SPATA17: variants seen among roughly 807,000 people sequenced by gnomAD.
SPATA17 encodes the protein spermatogenesis associated 17.
In SPATA17, 53 loss-of-function variants were observed where a neutral mutation model predicts 62.2. The observed-to-expected ratio is 0.85, with a 90% CI of 0.68 to 1.07. SPATA17 has a LOEUF of 1.07. Ranked by LOEUF, SPATA17 falls within the 50% of genes least tolerant of loss-of-function variation. SPATA17 has a pLI of 0.00. For missense variants in SPATA17, 466 were observed against 425.5 expected, an observed-to-expected ratio of 1.10 and a Z score of -0.84; for synonymous variants, 146 against 146.8, an observed-to-expected ratio of 0.99 and a Z score of 0.04.
chr1:217,851,366 G>A (rs1675661939), intron 9 of SPATA17, among the ~76,000 whole-genome samples: 1 of 151,886 alleles, frequency 6.6e-6, no homozygotes, highest in Non-Finnish European at 1.5e-5. Flanking sequence ...AGGTTCACAT[G>A]TTCCCAGATG....
rs766334713 is a variant in SPATA17, at chr1:217,631,387, G to C, written c.9G>C (p.Thr3=). The C allele has an allele frequency of 6.2e-7, 1 of 1,614,138 alleles. No homozygotes were observed. Among genetic ancestry groups the C allele is most frequent in the South Asian group, 1.1e-5 (1 of 91,086 alleles). Residue 3 remains threonine (T), a synonymous_variant, in exon 1 of 11, where the codon ACG becomes ACC. Transcript: ENST00000366933. MA[T]LARLQARSST... is the part of the protein sequence containing the mutation. ...CCCAAGGCCAAGAGACCATGGCCACGTTAGCCCGGCTGCAAGCTAGGTCGT... is the reference window on the plus strand; with the variant it reads ...CCCAAGGCCAAGAGACCATGGCCACCTTAGCCCGGCTGCAAGCTAGGTCGT...
intron 9 of SPATA17, among the ~76,000 whole-genome samples, chr1:217,811,797 G>A (rs575326114): frequency 1.2e-4 from 19 of 152,048 alleles, no homozygotes; most frequent in South Asian, 8.3e-4. Context: ...AGAATTATTA[G>A]AAATACTTTA....
At chr1:217,737,309 A>G (rs1672531988) in intron 5 of SPATA17, among the ~76,000 whole-genome samples, 1 of 152,192 alleles carries the variant, frequency 6.6e-6, no homozygotes, top group African/African-American at 2.4e-5. Flanking sequence ...CAGAACATAA[A>G]TAGAGGATTA....
chr1:217,675,489 G>A (rs867485114), intron 4 of SPATA17, among the ~76,000 whole-genome samples: 20 of 152,130 alleles, frequency 1.3e-4, no homozygotes, highest in Admixed American at 9.2e-4. Flanking sequence ...AGTATCCTAC[G>A]AAGAGTTCAA....
chr1:217,661,285 GA>G, intron 3 of SPATA17, among the ~76,000 whole-genome samples: 1 of 151,882 alleles, frequency 6.6e-6, no homozygotes, highest in Non-Finnish European at 1.5e-5. Context: ...TATATCACAG[GA>G]ATTAGAGGAG....
chr1:217,665,709 C>T (rs920578502), intron 3 of SPATA17, among the ~76,000 whole-genome samples: 6 of 152,102 alleles, frequency 3.9e-5, no homozygotes, highest in Admixed American at 2.0e-4. Context: ...TCAGAAAGGA[C>T]GTCAGTTATA....
At chr1:217,848,153 G>A (rs1352123262) in intron 9 of SPATA17, among the ~76,000 whole-genome samples, 12 of 152,076 alleles carry the variant, frequency 7.9e-5, no homozygotes, top group Non-Finnish European at 5.9e-5. Flanking sequence ...TTACTTTATT[G>A]ATATAAAAGT....
intron 1 of SPATA17, among the ~76,000 whole-genome samples, chr1:217,640,587 G>T (rs1180906716): frequency 2.0e-5 from 3 of 152,012 alleles, no homozygotes; most frequent in Non-Finnish European, 4.4e-5. Flanking sequence ...TTATATACAG[G>T]ATTATGTACA....
chr1:217,773,114 G>A (rs7412987), intron 6 of SPATA17, among the ~76,000 whole-genome samples: 66,284 of 151,958 alleles, frequency 0.44, 15,840 homozygotes, highest in Non-Finnish European at 0.55. Flanking sequence ...GCCTGGGTAG[G>A]TATTTGATAG....
chr1:217,798,971 T>C (rs78927458), intron 8 of SPATA17, among the ~76,000 whole-genome samples: 18,001 of 151,446 alleles, frequency 0.12, 1,181 homozygotes, highest in Non-Finnish European at 0.14. Context: ...TGAATATATA[T>C]TAAAAACTGG....
At chr1:217,696,308 C>A in intron 5 of SPATA17, among the ~76,000 whole-genome samples, 1 of 152,206 alleles carries the variant, frequency 6.6e-6, no homozygotes, top group East Asian at 1.9e-4. Flanking sequence ...CTCCCTGACC[C>A]CTTGAGCTTC....
intron 9 of SPATA17, chr1:217,850,519 C>T (rs576186573): frequency 1.1e-4 from 179 of 1,567,560 alleles, no homozygotes; most frequent in South Asian, 4.8e-4. Context: ...CTCTGCTGGT[C>T]GGGGAGGATG....
chr1:217,844,534 C>T (rs990142739), intron 9 of SPATA17, among the ~76,000 whole-genome samples: 7 of 152,124 alleles, frequency 4.6e-5, no homozygotes, highest in South Asian at 2.1e-4. Context: ...TTGAGAACTA[C>T]GGATGGACTG....
At chr1:217,814,683 G>A (rs113799783) in intron 9 of SPATA17, among the ~76,000 whole-genome samples, 13 of 151,676 alleles carry the variant, frequency 8.6e-5, no homozygotes, top group Admixed American at 2.0e-4. Flanking sequence ...CCCTGTCTCC[G>A]CAAAAAAATT....
At chr1:217,773,262 T>G (rs1673499130) in intron 6 of SPATA17, among the ~76,000 whole-genome samples, 1 of 152,176 alleles carries the variant, frequency 6.6e-6, no homozygotes, top group Middle Eastern at 3.2e-3. Flanking sequence ...ATAGATATGT[T>G]GATGGCATAA....
intron 9 of SPATA17, among the ~76,000 whole-genome samples, chr1:217,815,984 C>T (rs1218689201): frequency 6.6e-6 from 1 of 152,100 alleles, no homozygotes; most frequent in Non-Finnish European, 1.5e-5. Flanking sequence ...TATCGAACTG[C>T]TCTGAAGCAG....
Position 217,648,025 on chromosome 1 carries a change from C to T in SPATA17, c.69-857C>T, listed in dbSNP as rs1282323445. On this transcript the variant is annotated intron_variant, in intron 1 of 10. Transcript: ENST00000366933. Reference sequence around the variant, plus strand: ...GGCATGAGTCACCAAGCGGGCCTTACTCAAACCTCTTTTGTAGTTTGTTAC... The same window carrying T: ...GGCATGAGTCACCAAGCGGGCCTTATTCAAACCTCTTTTGTAGTTTGTTAC... Among the ~76,000 whole-genome samples, 4 of 151,894 alleles carry T rather than the reference C, an allele frequency of 2.6e-5. No individual in the cohort carries two copies. In the East Asian group the frequency reaches 7.8e-4, roughly 30 times the overall value.
chr1:217,844,915 A>AT (rs1053917025), intron 9 of SPATA17, among the ~76,000 whole-genome samples: 6 of 151,464 alleles, frequency 4.0e-5, no homozygotes, highest in East Asian at 1.9e-4. Context: ...TGCTTTTTGA[A>AT]TTTTTTTTTA....
At chr1:217,647,811 C>T (rs759034451) in intron 1 of SPATA17, among the ~76,000 whole-genome samples, 5 of 151,988 alleles carry the variant, frequency 3.3e-5, no homozygotes, top group Non-Finnish European at 7.4e-5. Context: ...GCAAACTCTG[C>T]CTCCCGGGTT....
Sources: allele counts gnomAD v4.1 joint callset (sites outside exome capture counted in the v4.1 genomes callset), GRCh38; gene constraint gnomAD v4.1.1; transcripts MANE v1.5; gene names NCBI Gene and HGNC (gene_info 2026-07-23, HGNC 2026-07-21).